The following LOXHD1 variants were observed in gnomAD, a reference collection of about 807,000 sequenced individuals.
LOXHD1 encodes the protein lipoxygenase homology domain-containing protein 1.
In LOXHD1, 205 loss-of-function variants were observed where a neutral mutation model predicts 248.2. That is an observed-to-expected ratio of 0.83 (90% confidence interval 0.74 to 0.93). The LOEUF (loss-of-function observed/expected upper bound fraction) is 0.93. Ranked by LOEUF, LOXHD1 falls within the 40% of genes least tolerant of loss-of-function variation. The pLI, the probability that LOXHD1 is intolerant of heterozygous loss-of-function variation, is 0.00. For synonymous variants in LOXHD1, 1,113 were observed against 1,162.8 expected (o/e 0.96, Z 0.87); for missense variants, 2,930 against 2,971.6 (o/e 0.99, Z 0.33).
At chr18:46,535,431 C>T (rs990326303) in intron 26 of LOXHD1, among the ~76,000 whole-genome samples, 2 of 152,064 alleles carry the variant, frequency 1.3e-5, no homozygotes, top group Admixed American at 6.5e-5. Context: ...CCAGGTGAGC[C>T]CCTGAACTGG....
intron 13 of LOXHD1, 24 bp downstream of exon 13, chr18:46,579,606 G>C: frequency 6.4e-7 from 1 of 1,551,668 alleles, no homozygotes; most frequent in Non-Finnish European, 8.7e-7. Context: ...AAGGGGATGA[G>C]TGGGGCACAT....
intron 4 of LOXHD1, among the ~76,000 whole-genome samples, chr18:46,629,745 G>A (rs2038794268): frequency 6.7e-6 from 1 of 149,950 alleles, no homozygotes; most frequent in African/African-American, 2.5e-5. Flanking sequence ...CCATTCCCAA[G>A]TGCTGTGCAG....
rs566814224 is a variant in LOXHD1, at chr18:46,555,643, A to G, written c.3350+1713T>C. Among the ~76,000 whole-genome samples, 6 of 152,228 alleles carry G rather than the reference A, an allele frequency of 3.9e-5. No individual in the cohort carries two copies. In the East Asian group the frequency reaches 1.2e-3, roughly 29 times the overall value. ...CACTGGCAGGCCCTCAGCAGCCCCA[A>G]AGCCCACTCAGGATCACTCATGCTT... On this transcript the variant is annotated intron_variant, in intron 21 of 40. Transcript: ENST00000642948.
chr18:46,561,021 CA>C (rs1198304069), intron 18 of LOXHD1, among the ~76,000 whole-genome samples: 1 of 152,112 alleles, frequency 6.6e-6, no homozygotes, highest in Non-Finnish European at 1.5e-5. Flanking sequence ...GTTCTCTTTA[CA>C]AAAATTTTCA....
intron 19 of LOXHD1, 35 bp downstream of exon 19, chr18:46,560,048 T>TCCCAGC: frequency 2.4e-6 from 3 of 1,226,296 alleles, no homozygotes; most frequent in Non-Finnish European, 3.4e-6. Context: ...GTCTGGCCAC[T>TCCCAGC]CCCTCCCCAC....
chr18:46,477,183 T>G, downstream of LOXHD1: 2 of 720,062 alleles, frequency 2.8e-6, no homozygotes, highest in Non-Finnish European at 5.2e-6. Context: ...ACTCAATTTC[T>G]CATCCACACT....
intron 1 of LOXHD1, among the ~76,000 whole-genome samples, chr18:46,655,495 C>A (rs1055608909): frequency 6.6e-6 from 1 of 152,206 alleles, no homozygotes; most frequent in African/African-American, 2.4e-5. Context: ...AAGCCAAGCA[C>A]ACATGGTGGG....
chr18:46,610,575 T>C (rs964382149), intron 6 of LOXHD1, among the ~76,000 whole-genome samples: 1 of 152,098 alleles, frequency 6.6e-6, no homozygotes, highest in East Asian at 1.9e-4. Context: ...GAGAAAGTAC[T>C]GGACTTCCTG....
At chr18:46,630,790 G>T (rs1253566147) in intron 4 of LOXHD1, among the ~76,000 whole-genome samples, 2 of 152,078 alleles carry the variant, frequency 1.3e-5, no homozygotes, top group East Asian at 3.9e-4. Flanking sequence ...TGTGAAATCA[G>T]TGGGTGGGAG....
At chr18:46,478,293 C>T (rs1296343201) in intron 40 of LOXHD1, among the ~76,000 whole-genome samples, 1 of 152,098 alleles carries the variant, frequency 6.6e-6, no homozygotes, top group Non-Finnish European at 1.5e-5. Context: ...TCATGATTCA[C>T]CTGCCTCAGG....
chr18:46,627,857 T>A (rs930262002), intron 4 of LOXHD1, among the ~76,000 whole-genome samples: 10 of 152,228 alleles, frequency 6.6e-5, no homozygotes, highest in Non-Finnish European at 1.3e-4. Context: ...CCCATTGGCC[T>A]GGGCGCCATA....
intron 34 of LOXHD1, among the ~76,000 whole-genome samples, chr18:46,512,227 A>C (rs1047115653): frequency 2.0e-5 from 3 of 152,132 alleles, no homozygotes; most frequent in South Asian, 2.1e-4. Context: ...TTTAAACTGA[A>C]GACTGGCCTT....
intron 35 of LOXHD1, chr18:46,509,485 C>A: frequency 1.7e-6 from 1 of 603,676 alleles, no homozygotes; most frequent in Non-Finnish European, 3.1e-6. Flanking sequence ...AATTACCTGA[C>A]AGTTGCTTCA....
intron 6 of LOXHD1, among the ~76,000 whole-genome samples, chr18:46,609,453 A>T (rs1375812236): frequency 6.6e-6 from 1 of 152,264 alleles, no homozygotes; most frequent in Non-Finnish European, 1.5e-5. Context: ...ACTATCAGAC[A>T]GCCTCATTCT....
At chr18:46,542,078 A>T in intron 24 of LOXHD1, 138 bp from the exon 25 acceptor site, 1 of 787,198 alleles carries the variant, frequency 1.3e-6, no homozygotes, top group Middle Eastern at 2.5e-4. Flanking sequence ...TGCTTGCAGC[A>T]TTGCTAAAGT....
intron 8 of LOXHD1, among the ~76,000 whole-genome samples, chr18:46,599,990 T>A (rs1038354442): frequency 1.3e-5 from 2 of 152,180 alleles, no homozygotes; most frequent in African/African-American, 4.8e-5. Context: ...TGCAACTATT[T>A]TGGAAAACAA....
At chr18:46,558,575 C>A (rs765516179) in intron 20 of LOXHD1, among the ~76,000 whole-genome samples, 45 of 152,174 alleles carry the variant, frequency 3.0e-4, no homozygotes, top group Non-Finnish European at 2.1e-4. Context: ...AAGCAGGGGG[C>A]CCCTGAAATA....
At chr18:46,525,044 G>A in intron 29 of LOXHD1, 127 bp from the exon 30 acceptor site, 2 of 1,049,442 alleles carry the variant, frequency 1.9e-6, no homozygotes, top group South Asian at 1.6e-5. Context: ...TTGCTGGGGA[G>A]CCCTCCAGGC....
chr18:46,642,100 A>G, intron 2 of LOXHD1, 64 bp from the exon 3 acceptor site: 3 of 1,420,226 alleles, frequency 2.1e-6, no homozygotes, highest in Non-Finnish European at 2.9e-6. Context: ...GAGGAGAGCC[A>G]AGGGCTGGCA....
Sources: gnomAD v4.1 joint callset for allele counts (sites outside exome capture counted in the v4.1 genomes callset) on GRCh38, gnomAD v4.1.1 for gene constraint, MANE v1.5 for transcripts, NCBI Gene and HGNC (gene_info 2026-07-23, HGNC 2026-07-21) for gene names.